The following LRRC4C variants were observed in gnomAD, a reference collection of about 807,000 sequenced individuals.
The protein encoded by LRRC4C is leucine-rich repeat-containing protein 4C.
LRRC4C carries 5 observed loss-of-function variants against 33.6 expected under a neutral mutation model. The observed-to-expected ratio is 0.15, with a 90% CI of 0.08 to 0.31. LRRC4C has a LOEUF of 0.31. Among genes scored for constraint, LRRC4C ranks in the 10% least tolerant of loss-of-function variants. The pLI is 1.00. For missense variants in LRRC4C, 560 were observed against 796.7 expected (o/e 0.70, Z 3.58); for synonymous variants, 329 against 302.0 (o/e 1.09, Z -0.93).
At chr11:40,742,506 T>C (rs543410058) in intron 2 of LRRC4C, among the ~76,000 whole-genome samples, 15 of 152,088 alleles carry the variant, frequency 9.9e-5, no homozygotes, top group Non-Finnish European at 2.1e-4. Context: ...ATGTTAAAAA[T>C]GTCATAAAAA....
chr11:40,809,740 A>G (rs916915659), intron 2 of LRRC4C, among the ~76,000 whole-genome samples: 7 of 152,182 alleles, frequency 4.6e-5, no homozygotes, highest in Non-Finnish European at 8.8e-5. Flanking sequence ...TATTGTCTCT[A>G]TATTGCCAGA....
intron 1 of LRRC4C, among the ~76,000 whole-genome samples, chr11:41,165,320 G>T (rs148379250): frequency 1.0e-3 from 155 of 152,194 alleles, no homozygotes; most frequent in African/African-American, 3.5e-3. Context: ...ATTGTTGACC[G>T]AAATGTCATT....
At chr11:41,118,794 A>G (rs1219927250) in intron 1 of LRRC4C, among the ~76,000 whole-genome samples, 1 of 152,194 alleles carries the variant, frequency 6.6e-6, no homozygotes, top group Non-Finnish European at 1.5e-5. Context: ...TTGTTAGACA[A>G]TAAATAGCCC....
chr11:40,952,032 AT>A lies in LRRC4C; in HGVS notation c.-495-18310del, dbSNP rs112835154. On this transcript the variant is annotated intron_variant, in intron 1 of 6. Coordinates refer to ENST00000528697, the MANE Select transcript of LRRC4C (RefSeq NM_001258419.2). ...GTTTATTATATCTGTGAAATATTAG[AT>A]TTTTTTTTTACCACAAATTGCTCAG... Among the ~76,000 whole-genome samples, 955 of 150,028 alleles carry A rather than the reference AT, an allele frequency of 6.4e-3. 5 individuals are homozygous for A. Among genetic ancestry groups the A allele is most frequent in the South Asian group, 8.6e-3 (41 of 4,740 alleles).
intron 1 of LRRC4C, among the ~76,000 whole-genome samples, chr11:41,143,127 G>GA (rs922443851): frequency 4.0e-5 from 6 of 151,860 alleles, no homozygotes; most frequent in African/African-American, 9.7e-5. Flanking sequence ...TCCTTCTATG[G>GA]AAAGTGCCAC....
chr11:40,302,291 A>G (rs1482346398), intron 4 of LRRC4C, among the ~76,000 whole-genome samples: 1 of 152,156 alleles, frequency 6.6e-6, no homozygotes, highest in East Asian at 1.9e-4. Flanking sequence ...GGAAGTTCGC[A>G]TTTTCACTAG....
intron 2 of LRRC4C, among the ~76,000 whole-genome samples, chr11:40,905,128 G>A (rs1956363688): frequency 6.6e-6 from 1 of 152,122 alleles, no homozygotes; most frequent in Non-Finnish European, 1.5e-5. Context: ...ACCAATTAAA[G>A]GGGGTGGAAT....
At chr11:40,997,607 G>A (rs1854075268) in intron 1 of LRRC4C, among the ~76,000 whole-genome samples, 1 of 152,058 alleles carries the variant, frequency 6.6e-6, no homozygotes, top group Non-Finnish European at 1.5e-5. Context: ...TCTAGAGGTG[G>A]GCAAAGGGTC....
At chr11:40,384,153 A>G (rs1459870602) in intron 3 of LRRC4C, among the ~76,000 whole-genome samples, 2 of 151,882 alleles carry the variant, frequency 1.3e-5, no homozygotes, top group Admixed American at 1.3e-4. Flanking sequence ...TTGGTGCCAT[A>G]TTCAAGAAAT....
chr11:40,928,919 A>G (rs2136440300), intron 2 of LRRC4C, among the ~76,000 whole-genome samples: 1 of 152,296 alleles, frequency 6.6e-6, no homozygotes, highest in South Asian at 2.1e-4. Context: ...CAGCAAGCAA[A>G]TTTAAAACAC....
chr11:40,917,409 G>T (rs1042116815), intron 2 of LRRC4C, among the ~76,000 whole-genome samples: 1 of 152,126 alleles, frequency 6.6e-6, no homozygotes, highest in African/African-American at 2.4e-5. Flanking sequence ...TATACCAAAA[G>T]CTGAGAGCAT....
chr11:40,342,814 C>A (rs1351988338), intron 3 of LRRC4C, among the ~76,000 whole-genome samples: 3 of 152,066 alleles, frequency 2.0e-5, no homozygotes, highest in Non-Finnish European at 4.4e-5. Flanking sequence ...CCCATATATA[C>A]TACATATTGC....
chr11:41,438,964 T>A (rs1213953206), intron 1 of LRRC4C, among the ~76,000 whole-genome samples: 4 of 152,196 alleles, frequency 2.6e-5, no homozygotes, highest in Non-Finnish European at 5.9e-5. Flanking sequence ...TTTTGTTACA[T>A]GGATATATTG....
chr11:40,530,664 A>C (rs926716493), intron 3 of LRRC4C, among the ~76,000 whole-genome samples: 3 of 152,214 alleles, frequency 2.0e-5, no homozygotes, highest in Non-Finnish European at 4.4e-5. Context: ...TTTATGAAGG[A>C]AAGACAAACC....
chr11:41,187,149 G>C (rs1030480747), intron 1 of LRRC4C, among the ~76,000 whole-genome samples: 30 of 152,186 alleles, frequency 2.0e-4, no homozygotes, highest in African/African-American at 7.0e-4. Context: ...CATGGTCCCT[G>C]GATAGGGCTC....
chr11:40,765,337 C>T (rs1048593209), intron 2 of LRRC4C, among the ~76,000 whole-genome samples: 2 of 152,198 alleles, frequency 1.3e-5, no homozygotes, highest in African/African-American at 4.8e-5. Flanking sequence ...TAAGATGTGC[C>T]TGCTTACCTT....
At chr11:40,781,941 G>A (rs1159928368) in intron 2 of LRRC4C, among the ~76,000 whole-genome samples, 3 of 152,196 alleles carry the variant, frequency 2.0e-5, no homozygotes, top group African/African-American at 7.2e-5. Flanking sequence ...AAGGTTTACA[G>A]TGGAATACAA....
At chr11:40,392,733 G>C (rs1949384887) in intron 3 of LRRC4C, among the ~76,000 whole-genome samples, 1 of 152,004 alleles carries the variant, frequency 6.6e-6, no homozygotes, top group Non-Finnish European at 1.5e-5. Context: ...AATATACTCA[G>C]AAGAAGACAA....
intron 3 of LRRC4C, among the ~76,000 whole-genome samples, chr11:40,500,129 T>G (rs974955275): frequency 1.3e-5 from 2 of 152,102 alleles, no homozygotes; most frequent in African/African-American, 4.8e-5. Context: ...AAAACTGATG[T>G]GTGACTTAAT....
Sources: allele counts gnomAD v4.1 joint callset (sites outside exome capture counted in the v4.1 genomes callset), GRCh38; gene constraint gnomAD v4.1.1; transcripts MANE v1.5; gene names NCBI Gene and HGNC (gene_info 2026-07-23, HGNC 2026-07-21).